Variants in THSD7B observed in about 807,000 individuals in gnomAD.
The protein encoded by THSD7B is thrombospondin type-1 domain-containing protein 7B.
A neutral mutation model predicts 213.6 loss-of-function variants in THSD7B; 138 were observed. That is an observed-to-expected ratio of 0.65 (90% CI 0.56 to 0.74). THSD7B has a LOEUF of 0.74. Ranked by LOEUF, THSD7B falls within the 30% of genes least tolerant of loss-of-function variation. The pLI is 0.00. For synonymous variants in THSD7B, 742 were observed against 687.0 expected (o/e 1.08, Z -1.25); for missense variants, 1,931 against 1,991.5 (o/e 0.97, Z 0.58).
rs2104820356 is a variant in THSD7B at position 137,659,755 on chromosome 2, T to C, written c.4458+9T>C. 6.3e-7 allele frequency: 1 copy of C among 1,593,416 alleles called. No homozygotes were observed. Among genetic ancestry groups the C allele is most frequent in the South Asian group, 1.1e-5 (1 of 87,298 alleles). ...TCTCCTACTGTACACAGGTGAGTCA[T>C]GTGCTGGAGTCTTCTATAAGTGCAT... is the stretch of plus-strand genomic sequence containing the variant. On this transcript the variant is annotated intron_variant, in intron 25 of 27. Transcript: ENST00000409968.
At chr2:137,545,933 G>GA (rs967603845) in intron 15 of THSD7B, among the ~76,000 whole-genome samples, 31 of 151,304 alleles carry the variant, frequency 2.0e-4, no homozygotes, top group Middle Eastern at 6.8e-3. Flanking sequence ...GCCTTTAAGG[G>GA]AAAAAAAGTC....
intron 2 of THSD7B, among the ~76,000 whole-genome samples, chr2:136,907,766 C>A (rs1684189054): frequency 6.6e-6 from 1 of 152,194 alleles, no homozygotes; most frequent in Non-Finnish European, 1.5e-5. Flanking sequence ...TTGGCTTTTT[C>A]TCCTTTTGCA....
intron 7 of THSD7B, among the ~76,000 whole-genome samples, chr2:137,182,481 C>CTA (rs1680474126): frequency 6.6e-6 from 1 of 151,912 alleles, no homozygotes; most frequent in African/African-American, 2.4e-5. Flanking sequence ...ATGAAGCTGC[C>CTA]TATAGTGTAT....
intron 1 of THSD7B, among the ~76,000 whole-genome samples, chr2:136,807,124 C>T (rs1418319157): frequency 6.6e-6 from 1 of 152,144 alleles, no homozygotes; most frequent in Non-Finnish European, 1.5e-5. Flanking sequence ...CTTCATTGCA[C>T]AGTTACTTTT....
intron 2 of THSD7B, among the ~76,000 whole-genome samples, chr2:136,933,251 A>G (rs1047248197): frequency 6.6e-6 from 1 of 151,874 alleles, no homozygotes; most frequent in Middle Eastern, 3.2e-3. Flanking sequence ...CTTCAGATCT[A>G]TTATGATTAC....
At chr2:137,357,215 G>A (rs931741872) in intron 12 of THSD7B, among the ~76,000 whole-genome samples, 3 of 151,970 alleles carry the variant, frequency 2.0e-5, no homozygotes, top group Non-Finnish European at 4.4e-5. Context: ...AATTTTAAAC[G>A]AATTAAATTG....
chr2:137,668,503 A>C (rs1683494040), intron 27 of THSD7B, among the ~76,000 whole-genome samples: 1 of 152,096 alleles, frequency 6.6e-6, no homozygotes, highest in Non-Finnish European at 1.5e-5. Context: ...TAATCTCAGA[A>C]AATAATAACT....
At chr2:137,309,834 A>G (rs970628451) in intron 12 of THSD7B, among the ~76,000 whole-genome samples, 1 of 152,074 alleles carries the variant, frequency 6.6e-6, no homozygotes, top group African/African-American at 2.4e-5. Context: ...AAGGACATGA[A>G]CTCATCATTT....
At chr2:137,395,308 A>G (rs199813465) in intron 12 of THSD7B, among the ~76,000 whole-genome samples, 25,077 of 137,208 alleles carry the variant, frequency 0.18, 2,468 homozygotes, top group South Asian at 0.21. Flanking sequence ...TTTGTCATAG[A>G]TAGCTCTTAT....
At chr2:136,780,548 G>C (rs1681722894) in intron 1 of THSD7B, among the ~76,000 whole-genome samples, 1 of 152,184 alleles carries the variant, frequency 6.6e-6, no homozygotes, top group Non-Finnish European at 1.5e-5. Flanking sequence ...AAGGAGAGCA[G>C]ATTCAAGTTT....
chr2:137,168,166 C>G (rs571287427), intron 6 of THSD7B, among the ~76,000 whole-genome samples: 3 of 152,158 alleles, frequency 2.0e-5, no homozygotes, highest in African/African-American at 7.2e-5. Context: ...GCCTTTTTCC[C>G]TTGTTAGGTT....
chr2:137,332,134 G>A (rs916016977), intron 12 of THSD7B, among the ~76,000 whole-genome samples: 9 of 152,142 alleles, frequency 5.9e-5, no homozygotes, highest in East Asian at 3.9e-4. Flanking sequence ...GAGAGCGAGC[G>A]AGGGCTATGA....
chr2:137,566,598 G>C (rs1001950946), intron 16 of THSD7B, among the ~76,000 whole-genome samples: 1 of 152,126 alleles, frequency 6.6e-6, no homozygotes, highest in African/African-American at 2.4e-5. Context: ...CCTCTTCTGA[G>C]TACTTACATT....
chr2:137,290,830 T>A (rs1428548030), intron 12 of THSD7B, among the ~76,000 whole-genome samples: 16 of 152,152 alleles, frequency 1.1e-4, no homozygotes, highest in Non-Finnish European at 1.2e-4. Context: ...TGGAATCCCG[T>A]CTGTTCCATC....
intron 1 of THSD7B, among the ~76,000 whole-genome samples, chr2:136,861,180 A>G (rs1683254530): frequency 6.6e-6 from 1 of 152,140 alleles, no homozygotes; most frequent in African/African-American, 2.4e-5. Context: ...AGTGAGATGA[A>G]CCTATTTTGT....
At chr2:136,822,685 G>A (rs1682584589) in intron 1 of THSD7B, among the ~76,000 whole-genome samples, 1 of 152,156 alleles carries the variant, frequency 6.6e-6, no homozygotes, top group East Asian at 1.9e-4. Context: ...AAATAAGGAA[G>A]GGAATGTCCC....
Position 137,233,109 on chromosome 2 carries a change from A to G in THSD7B, c.2126A>G (p.His709Arg). 1 of 1,613,740 alleles carries G rather than the reference A, an allele frequency of 6.2e-7. No homozygotes were observed. The highest frequency in any genetic ancestry group is 8.5e-7 in the Non-Finnish European group (1 of 1,179,746). The change falls in exon 9 of 28, where the codon CAC becomes CGC. Residue 709 changes from histidine to arginine, a missense_variant. Transcript: ENST00000409968. ...CGGAGAGTCTTCTGTGTCAAGAGTC[A>G]CGTGGGACAAGTAATGACCAAAAGG... is the stretch of plus-strand genomic sequence containing the variant. ...QTRRVFCVKS[H>R]VGQVMTKRCP...
At chr2:137,177,410 T>G (rs1290867681) in intron 7 of THSD7B, among the ~76,000 whole-genome samples, 1 of 152,190 alleles carries the variant, frequency 6.6e-6, no homozygotes, top group Non-Finnish European at 1.5e-5. Context: ...TACTGGGTGT[T>G]AAGGTAATTA....
rs531075661 is a variant in THSD7B at position 137,643,744 on chromosome 2, G to A, written c.3945+1111G>A. ...AAAGAATTTAGAAAGCCATTTCAGG[G>A]GAAGGGAGAGGAAAGTTGAATATTA... On this transcript the variant is annotated intron_variant, in intron 21 of 27. Transcript: ENST00000409968. 2.9e-4 allele frequency among the ~76,000 whole-genome samples: 44 copies of A among 152,218 alleles called. No individual in the cohort carries two copies. The South Asian group carries it at 8.3e-3, about 29-fold the overall frequency.
Sources: allele counts gnomAD v4.1 joint callset (sites outside exome capture counted in the v4.1 genomes callset), GRCh38; gene constraint gnomAD v4.1.1; transcripts MANE v1.5; gene names NCBI Gene and HGNC (gene_info 2026-07-23, HGNC 2026-07-21).